The following PLCB4 variants were observed in gnomAD, a reference collection of about 807,000 sequenced individuals.
PLCB4 encodes phospholipase C beta 4.
A neutral mutation model predicts 178.8 loss-of-function variants in PLCB4; 77 were observed. That is an observed-to-expected ratio of 0.43 (90% confidence interval 0.36 to 0.52). The LOEUF (loss-of-function observed/expected upper bound fraction) is 0.52. Ranked by LOEUF, PLCB4 falls within the 20% of genes least tolerant of loss-of-function variation. The probability of loss-of-function intolerance (pLI) is 0.00; values close to 1 mark genes in which losing one functional copy is unlikely to be tolerated. For synonymous variants in PLCB4, 496 were observed against 490.8 expected, an observed-to-expected ratio of 1.01 and a Z score of -0.14; for missense variants, 1,024 against 1,453.4, an observed-to-expected ratio of 0.70 and a Z score of 4.80.
At chr20:9,208,865 G>C (rs2093642648) in intron 2 of PLCB4, among the ~76,000 whole-genome samples, 2 of 152,150 alleles carry the variant, frequency 1.3e-5, no homozygotes, top group Admixed American at 1.3e-4. Context: ...ATATTAGTGT[G>C]GTTATGTATA....
At chr20:9,193,571 G>A (rs1413553235) in intron 2 of PLCB4, among the ~76,000 whole-genome samples, 1 of 152,150 alleles carries the variant, frequency 6.6e-6, no homozygotes, top group Non-Finnish European at 1.5e-5. Flanking sequence ...AGCGTGAGGG[G>A]ATGAAGAGTG....
intron 2 of PLCB4, among the ~76,000 whole-genome samples, chr20:9,188,329 A>G (rs140537078): frequency 1.3e-5 from 2 of 152,322 alleles, no homozygotes; most frequent in African/African-American, 4.8e-5. Flanking sequence ...GGATGGAACA[A>G]TGGCACTGTG....
At chr20:9,094,589 C>T (rs1264646535) in intron 1 of PLCB4, among the ~76,000 whole-genome samples, 1 of 152,172 alleles carries the variant, frequency 6.6e-6, no homozygotes, top group Non-Finnish European at 1.5e-5. Context: ...AGTGAACCTT[C>T]ATATATCCAT....
At chr20:9,248,615 T>C (rs2094148525) in intron 3 of PLCB4, among the ~76,000 whole-genome samples, 1 of 152,220 alleles carries the variant, frequency 6.6e-6, no homozygotes, top group Non-Finnish European at 1.5e-5. Flanking sequence ...GCATTATTTA[T>C]TTCTGTTTTC....
chr20:9,393,938 A>G (rs896250952), intron 18 of PLCB4, among the ~76,000 whole-genome samples: 1 of 152,186 alleles, frequency 6.6e-6, no homozygotes, highest in African/African-American at 2.4e-5. Flanking sequence ...AATTGAGAGG[A>G]AAGTAGAAGC....
chr20:9,425,603 T>G (rs1426537096), intron 28 of PLCB4, among the ~76,000 whole-genome samples: 1 of 152,256 alleles, frequency 6.6e-6, no homozygotes, highest in Non-Finnish European at 1.5e-5. Flanking sequence ...CATGTTGTAT[T>G]TAAGTATTTA....
At chr20:9,073,806 C>G (rs910786828) in intron 1 of PLCB4, among the ~76,000 whole-genome samples, 2 of 152,138 alleles carry the variant, frequency 1.3e-5, no homozygotes, top group South Asian at 2.1e-4. Context: ...GAGGATCGCT[C>G]AAGCCCAAGA....
chr20:9,336,785 T>G (rs28394118), intron 4 of PLCB4, among the ~76,000 whole-genome samples: 2 of 151,378 alleles, frequency 1.3e-5, no homozygotes, highest in Admixed American at 1.3e-4. Flanking sequence ...TAAAAAATAA[T>G]GTATCTCCTG....
intron 3 of PLCB4, among the ~76,000 whole-genome samples, chr20:9,277,291 C>T (rs2147663045): frequency 6.6e-6 from 1 of 152,126 alleles, no homozygotes; most frequent in East Asian, 1.9e-4. Flanking sequence ...TGAGCTGTTT[C>T]CATAGATAAG....
intron 35 of PLCB4, among the ~76,000 whole-genome samples, chr20:9,461,212 A>G (rs2043369919): frequency 6.6e-6 from 1 of 152,254 alleles, no homozygotes; most frequent in South Asian, 2.1e-4. Context: ...CTAATTCTTG[A>G]ATTGCTTAGG....
At chr20:9,416,648 G>A (rs1181847450) in intron 25 of PLCB4, among the ~76,000 whole-genome samples, 1 of 152,008 alleles carries the variant, frequency 6.6e-6, no homozygotes, top group Non-Finnish European at 1.5e-5. Flanking sequence ...GCCAACTCTA[G>A]CCACAAAAAA....
intron 17 of PLCB4, among the ~76,000 whole-genome samples, chr20:9,391,911 C>T (rs1320594974): frequency 6.6e-6 from 1 of 152,162 alleles, no homozygotes; most frequent in Non-Finnish European, 1.5e-5. Flanking sequence ...TGATAACACA[C>T]CCTTGATGAG....
At chr20:9,376,839 C>T (rs2036718058) in intron 12 of PLCB4, among the ~76,000 whole-genome samples, 1 of 152,092 alleles carries the variant, frequency 6.6e-6, no homozygotes, top group South Asian at 2.1e-4. Context: ...CCACAGGAAT[C>T]AAGGAGTAGC....
intron 9 of PLCB4, among the ~76,000 whole-genome samples, chr20:9,369,842 G>C (rs941335819): frequency 6.6e-6 from 1 of 152,198 alleles, no homozygotes; most frequent in African/African-American, 2.4e-5. Context: ...AAAACGCTGG[G>C]CATGAGATGC....
intron 2 of PLCB4, among the ~76,000 whole-genome samples, chr20:9,126,893 C>T (rs139786917): frequency 6.7e-6 from 1 of 149,536 alleles, no homozygotes; most frequent in Non-Finnish European, 1.5e-5. Flanking sequence ...TTTTTCTATT[C>T]CAGCAAAATA....
chr20:9,467,382 C>T (rs1254854979), intron 35 of PLCB4, among the ~76,000 whole-genome samples: 1 of 152,164 alleles, frequency 6.6e-6, no homozygotes, highest in Non-Finnish European at 1.5e-5. Context: ...ACCTATGTAT[C>T]AATCCTGCAC....
intron 1 of PLCB4, among the ~76,000 whole-genome samples, chr20:9,093,861 CTTTAGTG>C (rs1201222571): frequency 1.3e-5 from 2 of 151,982 alleles, no homozygotes; most frequent in Non-Finnish European, 2.9e-5. Flanking sequence ...GAGAGCTCAG[CTTTAGTG>C]TCACATGGCC....
chr20:9,316,780 A>G (rs1022516461), intron 4 of PLCB4, among the ~76,000 whole-genome samples: 2 of 152,190 alleles, frequency 1.3e-5, no homozygotes, highest in Non-Finnish European at 2.9e-5. Context: ...GCAAAAACTA[A>G]GATCAGCCAG....
intron 2 of PLCB4, among the ~76,000 whole-genome samples, chr20:9,108,655 A>C (rs1217245711): frequency 6.6e-6 from 1 of 151,904 alleles, no homozygotes; most frequent in Non-Finnish European, 1.5e-5. Context: ...TTTTTCAAGA[A>C]TGCCAAATAT....
Sources: allele counts gnomAD v4.1 joint callset (sites outside exome capture counted in the v4.1 genomes callset), GRCh38; gene constraint gnomAD v4.1.1; transcripts MANE v1.5; gene names NCBI Gene and HGNC (gene_info 2026-07-23, HGNC 2026-07-21).